The following BCAS1 variants were observed in gnomAD, a reference collection of about 807,000 sequenced individuals.
BCAS1 encodes the protein brain enriched myelin associated protein 1.
A neutral mutation model predicts 65.4 loss-of-function variants in BCAS1; 46 were observed. The observed-to-expected ratio is 0.70, with a 90% CI of 0.55 to 0.90. The LOEUF is 0.90. Among genes scored for constraint, BCAS1 ranks in the 40% least tolerant of loss-of-function variants. The pLI is 0.00. For synonymous variants in BCAS1, 298 were observed against 293.5 expected (o/e 1.02, Z -0.16); for missense variants, 793 against 771.2 (o/e 1.03, Z -0.33).
At chr20:53,976,392 T>A (rs112669273) in intron 8 of BCAS1, among the ~76,000 whole-genome samples, 225 of 152,330 alleles carry the variant, frequency 1.5e-3, no homozygotes, top group Non-Finnish European at 2.6e-3. Flanking sequence ...AGTTAAGAAC[T>A]CTGTCTATAT....
intron 4 of BCAS1, among the ~76,000 whole-genome samples, chr20:54,009,431 A>G (rs1457239130): frequency 1.3e-5 from 2 of 152,156 alleles, no homozygotes; most frequent in Non-Finnish European, 2.9e-5. Context: ...TGGATAGGAG[A>G]ATGCCATAAC....
chr20:54,012,914 A>G (rs76071941), intron 4 of BCAS1, among the ~76,000 whole-genome samples: 1,639 of 152,336 alleles, frequency 0.011, 39 homozygotes, highest in East Asian at 0.085. Context: ...GCTGTGCTGC[A>G]CTGATTCTAT....
intron 3 of BCAS1, among the ~76,000 whole-genome samples, chr20:54,050,496 G>T (rs937673522): frequency 6.6e-6 from 1 of 152,202 alleles, no homozygotes; most frequent in East Asian, 1.9e-4. Context: ...CCAAGAGGGC[G>T]AAAATGGTTC....
intron 3 of BCAS1, among the ~76,000 whole-genome samples, chr20:54,032,114 C>A (rs1025557264): frequency 1.3e-5 from 2 of 151,304 alleles, no homozygotes; most frequent in African/African-American, 2.4e-5. Flanking sequence ...AAGGGAAGCA[C>A]AGACTTACAG....
At chr20:54,008,751 T>G (rs2145940269) in intron 4 of BCAS1, among the ~76,000 whole-genome samples, 1 of 151,764 alleles carries the variant, frequency 6.6e-6, no homozygotes, top group South Asian at 2.1e-4. Context: ...AACAAGGCAA[T>G]CAACAGATGT....
chr20:54,036,345 G>C (rs2091899465), intron 3 of BCAS1, among the ~76,000 whole-genome samples: 1 of 151,354 alleles, frequency 6.6e-6, no homozygotes, highest in East Asian at 1.9e-4. Context: ...GACAGTAGCA[G>C]CTCCAAAATA....
At chr20:53,945,546 T>C (rs558924215) in intron 12 of BCAS1, among the ~76,000 whole-genome samples, 69 of 152,120 alleles carry the variant, frequency 4.5e-4, no homozygotes, top group Non-Finnish European at 8.2e-4. Context: ...AATGCTATCC[T>C]TCCCCCAACC....
At chr20:54,059,248 T>G (rs781482535) in intron 1 of BCAS1, among the ~76,000 whole-genome samples, 13 of 152,258 alleles carry the variant, frequency 8.5e-5, no homozygotes, top group Non-Finnish European at 1.8e-4. Flanking sequence ...AGAAAGGAGA[T>G]TTTGGACTCA....
At chr20:53,974,398 G>A (rs986722429) in intron 9 of BCAS1, among the ~76,000 whole-genome samples, 1 of 152,186 alleles carries the variant, frequency 6.6e-6, no homozygotes, top group Non-Finnish European at 1.5e-5. Context: ...CCACCGGAAG[G>A]AACCAACTCC....
chr20:54,037,563 C>T (rs914004278), intron 3 of BCAS1, among the ~76,000 whole-genome samples: 1 of 151,518 alleles, frequency 6.6e-6, no homozygotes, highest in Non-Finnish European at 1.5e-5. Flanking sequence ...TTATGTATGA[C>T]ATTTGTTTAT....
intron 8 of BCAS1, 58 bp downstream of exon 8, chr20:53,985,229 T>A: frequency 6.6e-7 from 1 of 1,510,086 alleles, no homozygotes; most frequent in South Asian, 1.1e-5. Flanking sequence ...CCAATAGAAA[T>A]AAGTTCTGGA....
At chr20:54,021,110 C>G (rs543251924) in intron 4 of BCAS1, among the ~76,000 whole-genome samples, 109 of 152,232 alleles carry the variant, frequency 7.2e-4, no homozygotes, top group Non-Finnish European at 1.1e-3. Context: ...GCTGGAAGAG[C>G]CTTCTTTCTA....
chr20:53,997,839 T>G (rs1600822730), intron 4 of BCAS1, among the ~76,000 whole-genome samples: 1 of 151,630 alleles, frequency 6.6e-6, no homozygotes, highest in African/African-American at 2.4e-5. Context: ...GTGGGTGGAG[T>G]GAGGGAGGCG....
At chr20:54,007,056 G>A (rs546237907) in intron 4 of BCAS1, among the ~76,000 whole-genome samples, 41 of 152,274 alleles carry the variant, frequency 2.7e-4, no homozygotes, top group Admixed American at 5.9e-4. Context: ...TGAAGTTGGC[G>A]TGGAGGCAAG....
chr20:54,023,099 A>G (rs189556358), intron 4 of BCAS1, among the ~76,000 whole-genome samples: 1 of 152,356 alleles, frequency 6.6e-6, no homozygotes. Flanking sequence ...AAAAACAGTT[A>G]ATAATTCACT....
chr20:54,021,454 C>T (rs548355636), intron 4 of BCAS1, among the ~76,000 whole-genome samples: 43 of 109,032 alleles, frequency 3.9e-4, no homozygotes, highest in African/African-American at 1.3e-3. Context: ...GTATATGTAC[C>T]ACATTTTCTT....
intron 10 of BCAS1, among the ~76,000 whole-genome samples, chr20:53,957,890 T>C (rs1045125804): frequency 1.4e-5 from 2 of 146,532 alleles, no homozygotes; most frequent in African/African-American, 4.9e-5. Context: ...ATTGTTTTTT[T>C]TTTTTTCTCT....
intron 3 of BCAS1, among the ~76,000 whole-genome samples, chr20:54,029,753 G>A (rs2091760243): frequency 6.6e-6 from 1 of 152,194 alleles, no homozygotes; most frequent in Non-Finnish European, 1.5e-5. Flanking sequence ...CATTATTCAT[G>A]AGTGAGAAAA....
intron 1 of BCAS1, among the ~76,000 whole-genome samples, chr20:54,063,520 G>A (rs1197632347): frequency 1.3e-5 from 2 of 152,180 alleles, no homozygotes; most frequent in Non-Finnish European, 2.9e-5. Context: ...TCACCGAAAA[G>A]TCAATTTGGG....
Sources: allele counts gnomAD v4.1 joint callset (sites outside exome capture counted in the v4.1 genomes callset), GRCh38; gene constraint gnomAD v4.1.1; transcripts MANE v1.5; gene names NCBI Gene and HGNC (gene_info 2026-07-23, HGNC 2026-07-21).